Variants in TULP3 observed in about 807,000 individuals in gnomAD.
TULP3 encodes the protein TUB like protein 3.
A neutral mutation model predicts 50.7 loss-of-function variants in TULP3; 38 were observed. The ratio of observed to expected loss-of-function variants is 0.75; its 90% confidence interval spans 0.58 to 0.98. TULP3 has a LOEUF of 0.98. Ranked by LOEUF, TULP3 falls within the 50% of genes least tolerant of loss-of-function variation. TULP3 has a pLI of 0.00. For missense variants in TULP3, 550 were observed against 568.0 expected (o/e 0.97, Z 0.32); for synonymous variants, 183 against 196.6 (o/e 0.93, Z 0.58).
chr12:2,928,530 C>CA (rs199713348), intron 4 of TULP3, among the ~76,000 whole-genome samples: 54 of 147,736 alleles, frequency 3.7e-4, no homozygotes, highest in Non-Finnish European at 5.4e-4. Context: ...AACTCCATCT[C>CA]AAAAAAAATA....
In TULP3 at chr12:2,922,306, G is replaced by A. The variant is rs777662918; in HGVS notation, c.298G>A (p.Ala100Thr). Residue 100 changes from alanine to threonine, a missense_variant, in exon 4 of 11, where the codon GCT becomes ACT. Ala to Thr is a moderately conservative substitution (Grantham distance 58). Coordinates refer to ENST00000448120, the MANE Select transcript of TULP3 (RefSeq NM_003324.5). ...TGTCCTGAAACCAGACGAAGTTCATGCTCCATCAGTAAGCTCCTCTGTTGT... is the reference window on the plus strand; with the variant it reads ...TGTCCTGAAACCAGACGAAGTTCATACTCCATCAGTAAGCTCCTCTGTTGT... Reference protein sequence around the residue: ...AAVLKPDEVHAPSVSSSVVEE... With the variant: ...AAVLKPDEVHTPSVSSSVVEE... The A allele has an allele frequency of 1.9e-6, 3 of 1,614,108 alleles. No homozygotes were observed. Among genetic ancestry groups the A allele is most frequent in the Non-Finnish European group, 2.5e-6 (3 of 1,180,028 alleles).
intron 1 of TULP3, among the ~76,000 whole-genome samples, chr12:2,897,599 C>T (rs918979431): frequency 6.7e-6 from 1 of 148,292 alleles, no homozygotes; most frequent in Non-Finnish European, 1.5e-5. Flanking sequence ...AGTGAGACCC[C>T]CTGTCTGTCT....
chr12:2,930,145 A>C, intron 4 of TULP3, 103 bp from the exon 5 acceptor site: 3 of 783,992 alleles, frequency 3.8e-6, no homozygotes, highest in Non-Finnish European at 6.1e-6. Flanking sequence ...TTACGGTCAG[A>C]ATAGTTAAGA....
chr12:2,895,825 T>C (rs2098175218), intron 1 of TULP3, among the ~76,000 whole-genome samples: 1 of 152,194 alleles, frequency 6.6e-6, no homozygotes, highest in Non-Finnish European at 1.5e-5. Flanking sequence ...TGTGGTACAG[T>C]CTGTTGCTCC....
Position 2,939,606 on chromosome 12 carries a change from C to T in TULP3, c.*162C>T. On this transcript the variant is annotated 3_prime_UTR_variant, in exon 11 of 11. Coordinates refer to ENST00000448120, the MANE Select transcript of TULP3 (RefSeq NM_003324.5). The surrounding 1 kb of genome is among the most constrained non-coding windows in gnomAD (Gnocchi z 4.0). The stretch of plus-strand genomic sequence containing the variant: ...ACACACACAAAGAGCAATAGTTTGC[C>T]CCTTTTGGAACGACCCCTGAATATA... 1 of 1,219,146 alleles carries T rather than the reference C, an allele frequency of 8.2e-7. No individual in the cohort carries two copies. The highest frequency in any genetic ancestry group is 1.1e-6 in the Non-Finnish European group (1 of 909,210). 75.5% of individuals were successfully genotyped at this position (1,219,146 alleles called of 1,614,324 possible).
At chr12:2,924,903 C>T (rs992619834) in intron 4 of TULP3, among the ~76,000 whole-genome samples, 3 of 151,736 alleles carry the variant, frequency 2.0e-5, no homozygotes, top group African/African-American at 7.3e-5. Flanking sequence ...TAGGGCTGGG[C>T]GCTATGGCTT....
At chr12:2,932,650 G>A (rs2098198792) in intron 6 of TULP3, among the ~76,000 whole-genome samples, 1 of 151,464 alleles carries the variant, frequency 6.6e-6, no homozygotes, top group Middle Eastern at 3.5e-3. Context: ...CTCTCCTAAG[G>A]TTGGAAAGAC....
intron 1 of TULP3, among the ~76,000 whole-genome samples, chr12:2,892,720 C>G (rs774381429): frequency 6.6e-6 from 1 of 152,034 alleles, no homozygotes; most frequent in African/African-American, 2.4e-5. Context: ...CCATGTTGGC[C>G]AAGATGGTCT....
chr12:2,903,100 G>A (rs2098180145), intron 1 of TULP3, among the ~76,000 whole-genome samples: 1 of 151,454 alleles, frequency 6.6e-6, no homozygotes, highest in African/African-American at 2.4e-5. Context: ...GACCTCAAGT[G>A]ATCTCCCCAC....
At chr12:2,925,966 A>G (rs2098194458) in intron 4 of TULP3, among the ~76,000 whole-genome samples, 1 of 152,168 alleles carries the variant, frequency 6.6e-6, no homozygotes, top group Non-Finnish European at 1.5e-5. Context: ...CATCTTGACT[A>G]TAAAACCCAT....
chr12:2,931,001 C>G, intron 5 of TULP3, 36 bp from the exon 6 acceptor site: 1 of 1,609,612 alleles, frequency 6.2e-7, no homozygotes, highest in Non-Finnish European at 8.5e-7. Context: ...TTTTGAGTCT[C>G]GGCCTGTTGT....
At chr12:2,919,081 G>T (rs2098190303) in intron 2 of TULP3, among the ~76,000 whole-genome samples, 1 of 152,056 alleles carries the variant, frequency 6.6e-6, no homozygotes, top group East Asian at 1.9e-4. Context: ...TCATAGAGAC[G>T]GGGTTTCACC....
At chr12:2,922,651 TAGA>T (rs1457696377) in intron 4 of TULP3, among the ~76,000 whole-genome samples, 12 of 152,282 alleles carry the variant, frequency 7.9e-5, no homozygotes, top group African/African-American at 2.6e-4. Context: ...TAGATGGCCA[TAGA>T]TGACTGTTTG....
In TULP3 at chr12:2,931,181, A is replaced by G. The variant is rs751127621; in HGVS notation, c.637A>G (p.Met213Val). 3.7e-6 allele frequency: 6 copies of G among 1,614,096 alleles called. No homozygotes were observed. The African/African-American group carries it at 6.7e-5, about 18-fold the overall frequency. ...RCRIIRDKRG[M>V]DRGLFPTYYM... ...TCGGATAATCCGGGATAAAAGGGGA[A>G]TGGATCGGGGTCTCTTCCCCACCTA... The change falls in exon 6 of 11, where the codon ATG (methionine) becomes GTG (valine). Residue 213 changes from methionine to valine, a missense_variant. By Grantham distance (21) the Met-to-Val change is conservative. Transcript: ENST00000448120.
At chr12:2,893,563 C>T (rs1039150457) in intron 1 of TULP3, among the ~76,000 whole-genome samples, 6 of 151,116 alleles carry the variant, frequency 4.0e-5, no homozygotes, top group South Asian at 2.1e-4. Context: ...TCAGGGGATT[C>T]GCCCGCCTCG....
At position 2,934,562 on chromosome 12, in the gene TULP3, G is replaced by T; in HGVS notation, c.924+1G>T. 6.4e-7 allele frequency: 1 copy of T among 1,570,136 alleles called. No homozygotes were observed. The highest frequency in any genetic ancestry group is 8.6e-7 in the Non-Finnish European group (1 of 1,159,422). ...GCAGGAGCTGGCTGCCATCTCCTATGTGAGTGCTGCTTTCCCAGGGCCGCT... is the reference window on the plus strand; with the variant it reads ...GCAGGAGCTGGCTGCCATCTCCTATTTGAGTGCTGCTTTCCCAGGGCCGCT... On this transcript the variant is annotated splice_donor_variant, in intron 8 of 10. Transcript: ENST00000448120. LOFTEE classifies it high-confidence loss of function.
chr12:2,918,895 T>C (rs1300170459), intron 2 of TULP3, among the ~76,000 whole-genome samples: 1 of 151,520 alleles, frequency 6.6e-6, no homozygotes, highest in East Asian at 1.9e-4. Flanking sequence ...AAGAATTTTT[T>C]TTTTTTTTGA....
At chr12:2,923,848 C>G (rs943256366) in intron 4 of TULP3, among the ~76,000 whole-genome samples, 1 of 149,698 alleles carries the variant, frequency 6.7e-6, no homozygotes, top group Non-Finnish European at 1.5e-5. Flanking sequence ...GGTGCAGTGG[C>G]GCACACCTGT....
In TULP3 at chr12:2,936,751, A is replaced by C. The variant is rs541244894; in HGVS notation, c.925-880A>C. Reference sequence around the variant, plus strand: ...GCAACAAGAGTGAAACTCTGGTCCCAAAAAAAAAATAGTTAAGAGTAAACT... The same window carrying C: ...GCAACAAGAGTGAAACTCTGGTCCCCAAAAAAAAATAGTTAAGAGTAAACT... On this transcript the variant is annotated intron_variant, in intron 8 of 10. Transcript: ENST00000448120. Among the ~76,000 whole-genome samples, 566 of 148,928 alleles carry C rather than the reference A, an allele frequency of 3.8e-3. 3 individuals are homozygous for C. The highest frequency in any genetic ancestry group is 0.013 in the African/African-American group (540 of 40,730).
Sources: gnomAD v4.1 joint callset for allele counts (sites outside exome capture counted in the v4.1 genomes callset) on GRCh38, gnomAD v4.1.1 for gene constraint, Gnocchi (gnomAD v3.1) non-coding constraint, MANE v1.5 for transcripts, NCBI Gene and HGNC (gene_info 2026-07-23, HGNC 2026-07-21) for gene names.